The following SLC9C1 variants were observed in gnomAD, a reference collection of about 807,000 sequenced individuals.
SLC9C1 encodes the protein sodium/hydrogen exchanger 10.
In SLC9C1, 97 loss-of-function variants were observed where a neutral mutation model predicts 140.9. The ratio of observed to expected loss-of-function variants is 0.69; its 90% CI spans 0.58 to 0.82. The LOEUF (loss-of-function observed/expected upper bound fraction) is 0.82. Ranked by LOEUF, SLC9C1 falls within the 40% of genes least tolerant of loss-of-function variation. The pLI, the probability that SLC9C1 is intolerant of heterozygous loss-of-function variation, is 0.00. For missense variants in SLC9C1, 1,340 were observed against 1,389.3 expected, an observed-to-expected ratio of 0.96 and a Z score of 0.56; for synonymous variants, 440 against 442.6, an observed-to-expected ratio of 0.99 and a Z score of 0.07.
intron 10 of SLC9C1, among the ~76,000 whole-genome samples, chr3:112,259,178 A>G (rs1473315405): frequency 6.6e-6 from 1 of 152,194 alleles, no homozygotes; most frequent in Non-Finnish European, 1.5e-5. Flanking sequence ...CATTATCTTT[A>G]GTAAACTAAC....
intron 5 of SLC9C1, among the ~76,000 whole-genome samples, chr3:112,275,565 A>G (rs2080189999): frequency 7.2e-6 from 1 of 138,590 alleles, no homozygotes; most frequent in South Asian, 2.4e-4. Context: ...ATGGCATTCT[A>G]AGTTTAAATG....
intron 6 of SLC9C1, among the ~76,000 whole-genome samples, chr3:112,272,950 C>T (rs780450818): frequency 1.3e-5 from 2 of 152,022 alleles, no homozygotes; most frequent in African/African-American, 2.4e-5. Flanking sequence ...CTTCTCCCAA[C>T]GAGTACCAAA....
At chr3:112,154,957 A>G in intron 27 of SLC9C1, 40 bp downstream of exon 27, 1 of 1,571,644 alleles carries the variant, frequency 6.4e-7, no homozygotes, top group Non-Finnish European at 8.7e-7. Flanking sequence ...ACTCTCTTTT[A>G]CCCAAAATAC....
intron 16 of SLC9C1, among the ~76,000 whole-genome samples, chr3:112,205,237 A>C (rs2078014470): frequency 6.6e-6 from 1 of 152,100 alleles, no homozygotes; most frequent in Non-Finnish European, 1.5e-5. Flanking sequence ...CAAAAATCAC[A>C]AGCATTCTTA....
rs571234309 is a variant in SLC9C1 at position 112,286,895 on chromosome 3, T to G, written c.-87-17A>C. Reference sequence around the variant, plus strand: ...CATCTGAATCTAAGAAACATAAGATTTGCCTTCTTGGTGGCCTTCTAATAA... The same window carrying G: ...CATCTGAATCTAAGAAACATAAGATGTGCCTTCTTGGTGGCCTTCTAATAA... On this transcript the variant is annotated splice_polypyrimidine_tract_variant and intron_variant, in intron 1 of 28. Coordinates refer to ENST00000305815, the MANE Select transcript of SLC9C1 (RefSeq NM_183061.3). The G allele has an allele frequency of 6.2e-4, 411 of 660,302 alleles. No homozygotes were observed. Among genetic ancestry groups the G allele is most frequent in the Non-Finnish European group, 8.1e-4 (349 of 429,268 alleles). The allele number at this position is 660,302 out of a possible 1,614,324, so 40.9% of individuals were successfully genotyped here. A position where few individuals can be genotyped will look rare whatever the true frequency, so the allele number is the denominator to read the frequency against.
At chr3:112,189,683 T>TAAA (rs2077611575) in intron 20 of SLC9C1, among the ~76,000 whole-genome samples, 3 of 152,210 alleles carry the variant, frequency 2.0e-5, no homozygotes, top group Admixed American at 1.3e-4. Flanking sequence ...TCCAGCTTTG[T>TAAA]TCTTTTGGCT....
intron 20 of SLC9C1, among the ~76,000 whole-genome samples, chr3:112,198,866 C>G (rs1279490435): frequency 6.6e-6 from 1 of 151,776 alleles, no homozygotes; most frequent in Non-Finnish European, 1.5e-5. Context: ...TTTGTACTTA[C>G]AGAATGAATT....
chr3:112,150,632 C>T (rs2074929802), intron 28 of SLC9C1, among the ~76,000 whole-genome samples: 1 of 151,516 alleles, frequency 6.6e-6, no homozygotes, highest in South Asian at 2.1e-4. Flanking sequence ...TCTAATCCGC[C>T]ATTAAATTCA....
At chr3:112,238,492 GC>G (rs2079053327) in intron 12 of SLC9C1, among the ~76,000 whole-genome samples, 1 of 152,154 alleles carries the variant, frequency 6.6e-6, no homozygotes, top group African/African-American at 2.4e-5. Flanking sequence ...TTTTTCTGTT[GC>G]TGGTGAGGAG....
At chr3:112,179,243 G>A (rs557603244) in intron 23 of SLC9C1, among the ~76,000 whole-genome samples, 4 of 151,868 alleles carry the variant, frequency 2.6e-5, no homozygotes, top group South Asian at 4.2e-4. Context: ...TCAAATTATG[G>A]TATTGACAAT....
chr3:112,216,838 A>G (rs527484157), intron 15 of SLC9C1, among the ~76,000 whole-genome samples: 1,528 of 152,322 alleles, frequency 0.01, 25 homozygotes, highest in African/African-American at 0.034. Flanking sequence ...CATTTGACCC[A>G]GCCATCCCAT....
chr3:112,246,414 C>T (rs1373808138), intron 10 of SLC9C1, among the ~76,000 whole-genome samples: 2 of 152,102 alleles, frequency 1.3e-5, no homozygotes, highest in African/African-American at 4.8e-5. Context: ...ATAAAATGTA[C>T]TTAAACGATT....
chr3:112,149,850 G>T (rs1326432354), intron 28 of SLC9C1, among the ~76,000 whole-genome samples: 1 of 151,944 alleles, frequency 6.6e-6, no homozygotes, highest in Non-Finnish European at 1.5e-5. Flanking sequence ...GATGGCTTAG[G>T]GTGCTGAACA....
intron 21 of SLC9C1, 26 bp downstream of exon 21, chr3:112,182,104 ATAT>A (rs556128421): frequency 1.9e-5 from 26 of 1,387,496 alleles, no homozygotes; most frequent in East Asian, 5.1e-5. Flanking sequence ...TACATTAAAA[ATAT>A]TATTAATAGG....
At chr3:112,233,493 TC>T (rs1472069868) in intron 12 of SLC9C1, among the ~76,000 whole-genome samples, 1 of 152,226 alleles carries the variant, frequency 6.6e-6, no homozygotes, top group Non-Finnish European at 1.5e-5. Context: ...ATTCTTTTTT[TC>T]ATTATACTTT....
At chr3:112,151,249 A>G (rs2107853406) in intron 28 of SLC9C1, 1 of 474,466 alleles carries the variant, frequency 2.1e-6, no homozygotes, top group Admixed American at 2.3e-5. Context: ...ACACACACAA[A>G]TATTTCCCCA....
chr3:112,192,810 A>T (rs1560048424), intron 20 of SLC9C1, among the ~76,000 whole-genome samples: 1 of 152,074 alleles, frequency 6.6e-6, no homozygotes, highest in South Asian at 2.1e-4. Flanking sequence ...TCTTAACATG[A>T]TTATTTTAAA....
At chr3:112,226,354 A>G (rs980641861) in intron 13 of SLC9C1, among the ~76,000 whole-genome samples, 9 of 152,196 alleles carry the variant, frequency 5.9e-5, no homozygotes, top group Admixed American at 2.0e-4. Context: ...GAAACACAAC[A>G]TATCAAAACC....
At chr3:112,251,448 C>A (rs28449655) in intron 10 of SLC9C1, among the ~76,000 whole-genome samples, 1 of 152,106 alleles carries the variant, frequency 6.6e-6, no homozygotes, top group East Asian at 1.9e-4. Flanking sequence ...TCCAAGCACA[C>A]GTGGAGCCCT....
Sources: gnomAD v4.1 joint callset for allele counts (sites outside exome capture counted in the v4.1 genomes callset) on GRCh38, gnomAD v4.1.1 for gene constraint, MANE v1.5 for transcripts, NCBI Gene and HGNC (gene_info 2026-07-23, HGNC 2026-07-21) for gene names.